Variants in SUN3 observed in about 807,000 individuals in gnomAD.
SUN3 encodes Sad1 and UNC84 domain containing 3.
A neutral mutation model predicts 48.2 loss-of-function variants in SUN3; 36 were observed. The observed-to-expected ratio is 0.75, with a 90% CI of 0.57 to 0.99. SUN3 has a LOEUF of 0.99. SUN3 is among the 50% of genes least tolerant of loss of function. SUN3 has a pLI of 0.00. For missense variants in SUN3, 419 were observed against 433.1 expected, an observed-to-expected ratio of 0.97 and a Z score of 0.29; for synonymous variants, 148 against 147.9, an observed-to-expected ratio of 1.00 and a Z score of 0.00.
chr7:48,033,541 G>A (rs1790278504), upstream of SUN3, among the ~76,000 whole-genome samples: 1 of 152,078 alleles, frequency 6.6e-6, no homozygotes, highest in South Asian at 2.1e-4. Flanking sequence ...CAGCCTGGAT[G>A]ACAGAGCAAT....
At chr7:48,028,291 T>C (rs1019275978) in intron 1 of SUN3, among the ~76,000 whole-genome samples, 2 of 151,778 alleles carry the variant, frequency 1.3e-5, no homozygotes, top group Non-Finnish European at 2.9e-5. Flanking sequence ...TTGGATTCCC[T>C]GCTATAATAA....
intron 2 of SUN3, 56 bp from the exon 3 acceptor site, chr7:48,017,421 T>G (rs1789843664): frequency 1.1e-6 from 1 of 933,356 alleles, no homozygotes; most frequent in East Asian, 2.5e-5. Context: ...CATAAAATAT[T>G]TTACATGTAT....
Position 48,009,034 on chromosome 7 carries a change from C to T in SUN3, c.329+1G>A. ...GGCATATAGCAAAAGATCGCACTCA[C>T]TTTAAAAGTTCCAGTTGCTCTTTAG... On this transcript the variant is annotated splice_donor_variant, in intron 4 of 9. Transcript: ENST00000297325. LOFTEE classifies it high-confidence loss of function. 1.2e-6 allele frequency: 2 copies of T among 1,612,118 alleles called. No individual in the cohort carries two copies. Among genetic ancestry groups the T allele is most frequent in the South Asian group, 1.1e-5 (1 of 90,450 alleles).
At chr7:48,030,641 G>A (rs113553528), upstream of SUN3, among the ~76,000 whole-genome samples, 463 of 152,274 alleles carry the variant, frequency 3.0e-3, 7 homozygotes, top group African/African-American at 0.01. Context: ...GTGTTTCATT[G>A]GGTGAATGGG....
intron 6 of SUN3, among the ~76,000 whole-genome samples, chr7:47,996,861 G>A (rs1247676645): frequency 6.7e-6 from 1 of 149,424 alleles, no homozygotes; most frequent in Non-Finnish European, 1.5e-5. Flanking sequence ...GAGTGCAGTG[G>A]TGGAATCTTG....
chr7:48,017,284 C>T lies in SUN3; in HGVS notation c.266G>A (p.Gly89Asp). Residue 89 changes from glycine (G) to aspartate (D), a missense_variant, in exon 3 of 10, where the codon GGT (glycine) becomes GAT (aspartate). Physicochemically the swap from Gly to Asp is moderately conservative, Grantham distance 94. Transcript: ENST00000297325. ...RQLYAIIAEY[G>D]SRLYKYQARL... ...CACCTGATATTTATAAAGCCTTGAA[C>T]CATATTCTGCAATTATGGCATATAA... 2 of 1,597,150 alleles carry T rather than the reference C, an allele frequency of 1.3e-6. No homozygotes were observed. The highest frequency in any genetic ancestry group is 1.7e-6 in the Non-Finnish European group (2 of 1,167,452).
chr7:48,026,970 C>G (rs1790154432), intron 1 of SUN3, among the ~76,000 whole-genome samples: 1 of 152,182 alleles, frequency 6.6e-6, no homozygotes, highest in Non-Finnish European at 1.5e-5. Flanking sequence ...CCAAGCCCAT[C>G]AGAAGCCCAT....
chr7:48,028,479 C>CAAAAAAAAAAAA (rs55997019), intron 1 of SUN3, among the ~76,000 whole-genome samples: 1 of 45,232 alleles, frequency 2.2e-5, no homozygotes, highest in Non-Finnish European at 3.5e-5. Context: ...AGCCCAATGA[C>CAAAAAAAAAAAA]AAAAAAAAAA....
chr7:48,030,371 C>T (rs1790238954), upstream of SUN3, among the ~76,000 whole-genome samples: 1 of 152,222 alleles, frequency 6.6e-6, no homozygotes, highest in South Asian at 2.1e-4. Context: ...CGGCATCTGC[C>T]TTCTAGCTAT....
At chr7:48,002,943 G>T (rs1333437084) in intron 6 of SUN3, among the ~76,000 whole-genome samples, 1 of 151,900 alleles carries the variant, frequency 6.6e-6, no homozygotes, top group Non-Finnish European at 1.5e-5. Flanking sequence ...TCTTTCTTTT[G>T]CCTAATTGCC....
chr7:48,035,819 C>T, the SUN3 span, among the ~76,000 whole-genome samples: 2 of 152,304 alleles, frequency 1.3e-5, no homozygotes, highest in East Asian at 3.9e-4. This position sits in a 1 kb window ranked among gnomAD's most constrained non-coding sequence, Gnocchi z 4.0. Context: ...CCTTGGTTAC[C>T]TGTTGCTTAT....
chr7:48,032,281 C>T (rs1425221836), upstream of SUN3, among the ~76,000 whole-genome samples: 1 of 152,186 alleles, frequency 6.6e-6, no homozygotes, highest in African/African-American at 2.4e-5. Flanking sequence ...CCCACATACG[C>T]ATACACAAAG....
intron 1 of SUN3, among the ~76,000 whole-genome samples, 168 bp from the exon 2 acceptor site, chr7:48,026,106 G>A (rs555012401): frequency 6.8e-4 from 104 of 152,120 alleles, no homozygotes; most frequent in Non-Finnish European, 1.3e-3. Context: ...TTTTTAAATT[G>A]AGAGAAGATC....
chr7:48,028,956 C>T lies in SUN3; in HGVS notation c.-18G>A, dbSNP rs372582767. ...CCACTCATGATCCCCTACCAAAGAA[C>T]AAACAGCTGGTAGGATGAAGAGCAA... On this transcript the variant is annotated 5_prime_UTR_variant, in exon 1 of 10. Coordinates refer to ENST00000297325, the MANE Select transcript of SUN3 (RefSeq NM_001030019.2). The T allele has an allele frequency of 2.5e-5, 40 of 1,613,504 alleles. 1 individual carries two copies. The South Asian group carries it at 3.3e-4, about 13-fold the overall frequency.
At chr7:48,027,340 A>T (rs1790162735) in intron 1 of SUN3, among the ~76,000 whole-genome samples, 1 of 152,212 alleles carries the variant, frequency 6.6e-6, no homozygotes, top group Non-Finnish European at 1.5e-5. Flanking sequence ...TCTGATGAAG[A>T]CAAGTATGTA....
In SUN3 at chr7:48,025,941, A is replaced by G; in HGVS notation, c.123-3T>C. 1.3e-6 allele frequency: 2 copies of G among 1,581,136 alleles called. No individual in the cohort carries two copies. Among genetic ancestry groups the G allele is most frequent in the South Asian group, 2.3e-5 (2 of 88,472 alleles). ...TAATCTTCCATGATCGAGTTACCCT[A>G]AAAGAATAAAAACAATGATTAGAAA... On this transcript the variant is annotated splice_region_variant and splice_polypyrimidine_tract_variant and intron_variant, in intron 1 of 9. Coordinates refer to ENST00000297325, the MANE Select transcript of SUN3 (RefSeq NM_001030019.2).
chr7:47,995,979 A>C, intron 7 of SUN3, 52 bp downstream of exon 7: 1 of 1,162,022 alleles, frequency 8.6e-7, no homozygotes, highest in Non-Finnish European at 1.2e-6. Flanking sequence ...CATGATAAAT[A>C]ATAAGAACAA....
At chr7:48,006,891 ATTTC>A (rs146559377) in intron 5 of SUN3, among the ~76,000 whole-genome samples, 2,772 of 152,058 alleles carry the variant, frequency 0.018, 83 homozygotes, top group African/African-American at 0.063. Flanking sequence ...AGAGACTGTT[ATTTC>A]TTTCTTTCTT....
chr7:47,994,897 A>G (rs2686797), intron 7 of SUN3, among the ~76,000 whole-genome samples: 150,806 of 150,900 alleles, frequency 1, 75,356 homozygotes, highest in Middle Eastern at 1. Flanking sequence ...TGGTCATGGC[A>G]ATGGTATCAC....
Sources: allele counts gnomAD v4.1 joint callset (sites outside exome capture counted in the v4.1 genomes callset), GRCh38; gene constraint gnomAD v4.1.1; non-coding constraint Gnocchi (gnomAD v3.1); transcripts MANE v1.5; gene names NCBI Gene and HGNC (gene_info 2026-07-23, HGNC 2026-07-21).